The following LAPTM4A variants were observed in gnomAD, a reference collection of about 807,000 sequenced individuals.
LAPTM4A encodes lysosomal-associated transmembrane protein 4A.
A neutral mutation model predicts 29.9 loss-of-function variants in LAPTM4A; 19 were observed. The ratio of observed to expected loss-of-function variants is 0.64; its 90% CI spans 0.44 to 0.93. LAPTM4A has a LOEUF of 0.93. LAPTM4A is among the 40% of genes least tolerant of loss of function. LAPTM4A has a pLI of 0.00. For synonymous variants in LAPTM4A, 105 were observed against 102.1 expected, an observed-to-expected ratio of 1.03 and a Z score of -0.17; for missense variants, 293 against 288.5, an observed-to-expected ratio of 1.02 and a Z score of -0.11.
chr2:20,050,097 A>C (rs1038117618), intron 1 of LAPTM4A, among the ~76,000 whole-genome samples: 2 of 152,242 alleles, frequency 1.3e-5, no homozygotes, highest in Non-Finnish European at 2.9e-5. Flanking sequence ...CGAATATAAA[A>C]GTACAGGAAA....
intron 1 of LAPTM4A, among the ~76,000 whole-genome samples, chr2:20,042,818 C>T (rs918360543): frequency 6.6e-6 from 1 of 152,180 alleles, no homozygotes; most frequent in Non-Finnish European, 1.5e-5. Context: ...AGAAATCTCA[C>T]GTAGGATTGG....
At chr2:20,045,607 T>C (rs922012647) in intron 1 of LAPTM4A, among the ~76,000 whole-genome samples, 2 of 152,184 alleles carry the variant, frequency 1.3e-5, no homozygotes, top group African/African-American at 4.8e-5. Flanking sequence ...ATCAGTCAAA[T>C]CAGGTGGTGT....
intron 5 of LAPTM4A, among the ~76,000 whole-genome samples, chr2:20,034,744 A>G (rs1289520260): frequency 6.6e-6 from 1 of 152,208 alleles, no homozygotes; most frequent in Non-Finnish European, 1.5e-5. Context: ...AAAAACATAA[A>G]AAGTAGGTCC....
chr2:20,050,830 G>C (rs1486583709), intron 1 of LAPTM4A, among the ~76,000 whole-genome samples: 1 of 152,210 alleles, frequency 6.6e-6, no homozygotes, highest in African/African-American at 2.4e-5. Context: ...CGTCAACTCA[G>C]GCAAAAGCTA....
chr2:20,033,675 C>G (rs1454346957), intron 6 of LAPTM4A, among the ~76,000 whole-genome samples: 1 of 152,210 alleles, frequency 6.6e-6, no homozygotes, highest in East Asian at 1.9e-4. Flanking sequence ...CTCCTGGATC[C>G]TGACTTTCAT....
chr2:20,034,379 A>G lies in LAPTM4A; in HGVS notation c.565T>C (p.Tyr189His). ...LINCVWNCYK[Y>H]INNRNVPEIA... Reference sequence around the variant, plus strand: ...TCCGGCACGTTTCGGTTGTTGATGTATTTATAGCAGTTCCAAACACAGTTA... The same window carrying G: ...TCCGGCACGTTTCGGTTGTTGATGTGTTTATAGCAGTTCCAAACACAGTTA... The change falls in exon 6 of 7, where the codon TAC (tyrosine) becomes CAC (histidine). Residue 189 changes from tyrosine (Y) to histidine (H), a missense_variant. Coordinates refer to ENST00000175091, the MANE Select transcript of LAPTM4A (RefSeq NM_014713.5). The G allele has an allele frequency of 1.9e-6, 3 of 1,613,986 alleles. No individual in the cohort carries two copies. Among genetic ancestry groups the G allele is most frequent in the Non-Finnish European group, 2.5e-6 (3 of 1,179,830 alleles).
At chr2:20,048,741 A>C (rs1302664649) in intron 1 of LAPTM4A, among the ~76,000 whole-genome samples, 1 of 152,220 alleles carries the variant, frequency 6.6e-6, no homozygotes, top group East Asian at 1.9e-4. Context: ...GAGTACCTTG[A>C]CAAGGTAGGT....
Position 20,037,403 on chromosome 2 carries a change from G to GT in LAPTM4A, c.344dup (p.Tyr115Ter). Reference sequence around the variant, plus strand: ...AACTGAGGACGAAGTCAAAAAGTCGGTAACAGAAGAATGGAATCAGCCAAC... The same window carrying GT: ...AACTGAGGACGAAGTCAAAAAGTCGGTTAACAGAAGAATGGAATCAGCCAAC... Reference protein sequence around the residue: ...QVGWLIPFFCYRLFDFVLSCL... With the variant: ...QVGWLIPFFC Residue 115 changes from tyrosine to a stop codon, truncating the protein, a stop_gained and frameshift_variant, in exon 4 of 7, where the codon TAC (tyrosine) becomes TAAC (stop). Transcript: ENST00000175091. LOFTEE classifies it high-confidence loss of function. The GT allele has an allele frequency of 1.2e-6, 2 of 1,612,478 alleles. No individual in the cohort carries two copies. Among genetic ancestry groups the GT allele is most frequent in the South Asian group, 1.1e-5 (1 of 90,826 alleles).
intron 2 of LAPTM4A, among the ~76,000 whole-genome samples, chr2:20,039,382 G>A (rs563425104): frequency 2.6e-5 from 4 of 152,286 alleles, no homozygotes; most frequent in African/African-American, 9.6e-5. Context: ...AAGAATTCAG[G>A]TAAAAACAAA....
At chr2:20,046,362 G>T (rs1331237402) in intron 1 of LAPTM4A, among the ~76,000 whole-genome samples, 1 of 151,864 alleles carries the variant, frequency 6.6e-6, no homozygotes, top group East Asian at 1.9e-4. Flanking sequence ...AAAAAAAAAA[G>T]TTTTTTGTTG....
intron 1 of LAPTM4A, among the ~76,000 whole-genome samples, chr2:20,045,628 TG>T (rs1230364574): frequency 6.6e-6 from 1 of 152,242 alleles, no homozygotes; most frequent in African/African-American, 2.4e-5. Flanking sequence ...GCATTGTTTT[TG>T]AAAGCTTCTA....
At chr2:20,042,793 T>A (rs1196269940) in intron 1 of LAPTM4A, among the ~76,000 whole-genome samples, 1 of 152,208 alleles carries the variant, frequency 6.6e-6, no homozygotes, top group African/African-American at 2.4e-5. Context: ...AAGAGTATTG[T>A]TAACGACTCA....
intron 1 of LAPTM4A, among the ~76,000 whole-genome samples, chr2:20,049,591 G>A (rs1485149463): frequency 1.3e-5 from 2 of 152,150 alleles, no homozygotes; most frequent in Non-Finnish European, 2.9e-5. Context: ...TTCTAGCTGA[G>A]CCCACAGCAT....
intron 5 of LAPTM4A, 98 bp downstream of exon 5, chr2:20,034,869 C>A: frequency 1.2e-6 from 1 of 833,066 alleles, no homozygotes. Context: ...CCCCACAAAT[C>A]CTCAATCTCC....
At chr2:20,045,286 G>A (rs1235854289) in intron 1 of LAPTM4A, among the ~76,000 whole-genome samples, 2 of 152,042 alleles carry the variant, frequency 1.3e-5, no homozygotes, top group Non-Finnish European at 2.9e-5. Flanking sequence ...AGGAAAGAAA[G>A]TTAATAAAAA....
intron 1 of LAPTM4A, among the ~76,000 whole-genome samples, chr2:20,049,312 T>C (rs929916710): frequency 7.9e-5 from 12 of 152,330 alleles, no homozygotes; most frequent in Non-Finnish European, 1.5e-4. Flanking sequence ...GGTCAAACGA[T>C]TTAAGAAGTT....
Position 20,051,453 on chromosome 2 carries a change from C to T in LAPTM4A, c.68G>A (p.Cys23Tyr), listed in dbSNP as rs775053911. ...RFYSTRCCGC[C>Y]HVRTGTIILG... is the part of the protein sequence containing the mutation. ...GATGATCGTCCCGGTGCGGACATGG[C>T]AACAGCCGCAGCACCGGGTGCTGTA... The change falls in exon 1 of 7, where the codon TGC (cysteine) becomes TAC (tyrosine). Residue 23 changes from cysteine (C) to tyrosine (Y), a missense_variant. By Grantham distance (194) the Cys-to-Tyr change is radical. Transcript: ENST00000175091. 1 of 1,613,422 alleles carries T rather than the reference C, an allele frequency of 6.2e-7. No homozygotes were observed. The highest frequency in any genetic ancestry group is 1.7e-5 in the Admixed American group (1 of 59,992).
intron 1 of LAPTM4A, among the ~76,000 whole-genome samples, chr2:20,045,032 C>A (rs902718798): frequency 2.0e-5 from 3 of 152,248 alleles, no homozygotes; most frequent in East Asian, 3.8e-4. Flanking sequence ...GCACGAGCCA[C>A]CGCTCCTGGC....
intron 2 of LAPTM4A, among the ~76,000 whole-genome samples, chr2:20,038,860 CTAA>C (rs1558384725): frequency 1.3e-5 from 2 of 151,990 alleles, no homozygotes; most frequent in African/African-American, 4.8e-5. Context: ...ACTGAGGGCA[CTAA>C]TAATGATGAA....
Sources: allele counts gnomAD v4.1 joint callset (sites outside exome capture counted in the v4.1 genomes callset), GRCh38; gene constraint gnomAD v4.1.1; transcripts MANE v1.5; gene names NCBI Gene and HGNC (gene_info 2026-07-23, HGNC 2026-07-21).